UGT2A3: variants seen among roughly 807,000 people sequenced by gnomAD.
UGT2A3 encodes UDP-glucuronosyltransferase 2A3.
A neutral mutation model predicts 44.1 loss-of-function variants in UGT2A3; 55 were observed. The observed-to-expected ratio is 1.25, with a 90% CI of 1.00 to 1.56. The LOEUF is 1.56. UGT2A3 is among the 40% of genes most tolerant of loss of function. UGT2A3 has a pLI of 0.00. For synonymous variants in UGT2A3, 243 were observed against 215.1 expected, an observed-to-expected ratio of 1.13 and a Z score of -1.13; for missense variants, 733 against 621.6, an observed-to-expected ratio of 1.18 and a Z score of -1.91.
chr4:68,938,786 T>C (rs1405991015), intron 2 of UGT2A3, among the ~76,000 whole-genome samples: 1 of 152,170 alleles, frequency 6.6e-6, no homozygotes, highest in Admixed American at 6.6e-5. Context: ...ATGACATTAT[T>C]GGATATTTAG....
intron 1 of UGT2A3, among the ~76,000 whole-genome samples, chr4:68,948,536 C>A (rs1266550679): frequency 7.3e-6 from 1 of 136,660 alleles, no homozygotes; most frequent in East Asian, 2.5e-4. Flanking sequence ...GGACTTCAAA[C>A]TTCTGGGCTC....
chr4:68,930,789 A>G, intron 4 of UGT2A3, 24 bp from the exon 5 acceptor site: 1 of 1,520,316 alleles, frequency 6.6e-7, no homozygotes, highest in South Asian at 1.3e-5. Flanking sequence ...TGGATGAGAA[A>G]TGGTGAGATA....
At chr4:68,950,937 T>G in intron 1 of UGT2A3, 109 bp downstream of exon 1, 12 of 748,042 alleles carry the variant, frequency 1.6e-5, no homozygotes, top group Non-Finnish European at 2.4e-5. Context: ...CTACAACATT[T>G]TCTAAAAAAA....
chr4:68,932,365 T>C (rs1411914756), intron 3 of UGT2A3, among the ~76,000 whole-genome samples: 3 of 151,854 alleles, frequency 2.0e-5, no homozygotes, highest in East Asian at 3.9e-4. Context: ...CACACGCTTT[T>C]AGATTTCAAA....
intron 3 of UGT2A3, among the ~76,000 whole-genome samples, chr4:68,932,155 T>C (rs1299706980): frequency 2.0e-5 from 3 of 151,960 alleles, no homozygotes; most frequent in Non-Finnish European, 1.5e-5. Context: ...CATTTTACTT[T>C]TGAAACTTCT....
intron 2 of UGT2A3, among the ~76,000 whole-genome samples, chr4:68,942,374 T>C: frequency 6.7e-6 from 1 of 149,584 alleles, no homozygotes; most frequent in Non-Finnish European, 1.5e-5. Context: ...GATATGTATA[T>C]TGTGTGTGTT....
In UGT2A3 at chr4:68,932,757, T is replaced by G. The variant is rs760984574; in HGVS notation, c.867A>C (p.Glu289Asp). The change falls in exon 3 of 6, where the codon GAA (glutamate) becomes GAC (aspartate). Residue 289 changes from glutamate (E) to aspartate (D), a missense_variant and splice_region_variant. Physicochemically the swap from Glu to Asp is conservative, Grantham distance 45. Transcript: ENST00000251566. ...HCKPAKALPK[E>D]MENFVQSSGE... ...CTGAACTCTGGACAAAATTTTCCATTTCCTGAAGATAAAAATTTATCTGCA... is the reference window on the plus strand; with the variant it reads ...CTGAACTCTGGACAAAATTTTCCATGTCCTGAAGATAAAAATTTATCTGCA... 6 of 1,605,994 alleles carry G rather than the reference T, an allele frequency of 3.7e-6. No individual in the cohort carries two copies. The Admixed American group carries it at 8.6e-5, about 23-fold the overall frequency.
At chr4:68,938,120 C>T (rs1406111909) in intron 2 of UGT2A3, among the ~76,000 whole-genome samples, 2 of 151,998 alleles carry the variant, frequency 1.3e-5, no homozygotes, top group African/African-American at 4.8e-5. Flanking sequence ...TGAATTATAT[C>T]AGAGGTACAA....
intron 2 of UGT2A3, among the ~76,000 whole-genome samples, chr4:68,938,491 C>A (rs1718041969): frequency 6.6e-6 from 1 of 152,036 alleles, no homozygotes; most frequent in South Asian, 2.1e-4. Flanking sequence ...ACACCTTCAA[C>A]AAAATTCAAC....
intron 1 of UGT2A3, 30 bp from the exon 2 acceptor site, chr4:68,945,484 G>A (rs780579512): frequency 2.4e-5 from 37 of 1,533,260 alleles, no homozygotes; most frequent in Non-Finnish European, 3.2e-5. Context: ...GAATGAATTA[G>A]CATACAATTC....
At chr4:68,931,885 A>G (rs1717751113) in intron 3 of UGT2A3, among the ~76,000 whole-genome samples, 1 of 152,126 alleles carries the variant, frequency 6.6e-6, no homozygotes, top group East Asian at 1.9e-4. Flanking sequence ...AAAGAACGGC[A>G]TAGATGTTTC....
rs751302629 is a variant in UGT2A3, at chr4:68,951,515, G to A, written c.246C>T (p.Asp82=). The A allele has an allele frequency of 1.4e-5, 23 of 1,612,732 alleles. No individual in the cohort carries two copies. The highest frequency in any genetic ancestry group is 1.8e-5 in the Non-Finnish European group (21 of 1,179,374). ...CAAATATTTCATTTTCTTCTGTTCT[G>A]TCCTGTGGCATATGGACCACCTCAA... ...LKFEVVHMPQ[D]RTEENEIFVD... is the part of the protein sequence containing the mutation. Residue 82 remains aspartate (D), a synonymous_variant, in exon 1 of 6, where the codon GAC becomes GAT. Coordinates refer to ENST00000251566, the MANE Select transcript of UGT2A3 (RefSeq NM_024743.4).
At chr4:68,937,234 C>T (rs1281698706) in intron 2 of UGT2A3, among the ~76,000 whole-genome samples, 2 of 152,122 alleles carry the variant, frequency 1.3e-5, no homozygotes, top group Non-Finnish European at 2.9e-5. Flanking sequence ...ATTTACTAAA[C>T]TCTCCACCCC....
chr4:68,939,637 G>A (rs1417133820), intron 2 of UGT2A3, among the ~76,000 whole-genome samples: 2 of 152,100 alleles, frequency 1.3e-5, no homozygotes, highest in Non-Finnish European at 2.9e-5. Context: ...TTAGGCCTGG[G>A]CAAGGGTTTC....
chr4:68,935,292 A>G lies in UGT2A3; in HGVS notation c.865-2533T>C, dbSNP rs994610864. The stretch of plus-strand genomic sequence containing the variant: ...TGTATGTATGTATATATATATATAT[A>G]TATATATATATATATATATATATAT... On this transcript the variant is annotated intron_variant, in intron 2 of 5. Transcript: ENST00000251566. Among the ~76,000 whole-genome samples the G allele has an allele frequency of 1.4e-3, 111 of 81,244 alleles. 5 individuals are homozygous for G. The highest frequency in any genetic ancestry group is 8.7e-3 in the East Asian group (28 of 3,224). 53.3% of individuals were successfully genotyped at this position (81,244 alleles called of 152,430 possible).
rs768534382 is a variant in UGT2A3, at chr4:68,931,207, T to A, written c.1032A>T (p.Thr344=). 1.9e-6 allele frequency: 3 copies of A among 1,612,906 alleles called. No individual in the cohort carries two copies. The South Asian group carries it at 3.3e-5, about 18-fold the overall frequency. ...CATACAGCCGAGTATTGGCTCCTAA[T>A]GTGGATGGTTTTTTTCCTTTGTACC... ...LWRYKGKKPS[T]LGANTRLYDW... Residue 344 remains threonine, a synonymous_variant, in exon 4 of 6, where the codon ACA becomes ACT. Coordinates refer to ENST00000251566, the MANE Select transcript of UGT2A3 (RefSeq NM_024743.4).
At chr4:68,942,504 G>GAGATATATATATAT (rs1553902064) in intron 2 of UGT2A3, among the ~76,000 whole-genome samples, 2 of 131,028 alleles carry the variant, frequency 1.5e-5, no homozygotes, top group Non-Finnish European at 3.1e-5. Context: ...TTCCACTGGA[G>GAGATATATATATAT]ATATATATAT....
chr4:68,941,721 T>C (rs556017365), intron 2 of UGT2A3, among the ~76,000 whole-genome samples: 22 of 152,010 alleles, frequency 1.4e-4, no homozygotes, highest in African/African-American at 4.3e-4. Context: ...TGAAAAATAT[T>C]TGCAAACTAT....
At chr4:68,939,377 G>A (rs886177120) in intron 2 of UGT2A3, among the ~76,000 whole-genome samples, 3 of 151,938 alleles carry the variant, frequency 2.0e-5, no homozygotes, top group Non-Finnish European at 2.9e-5. Context: ...CAGAACAGAG[G>A]CCTCAGAAAT....
Sources: gnomAD v4.1 joint callset for allele counts (sites outside exome capture counted in the v4.1 genomes callset) on GRCh38, gnomAD v4.1.1 for gene constraint, MANE v1.5 for transcripts, NCBI Gene and HGNC (gene_info 2026-07-23, HGNC 2026-07-21) for gene names.